The following BTAF1 variants were observed in gnomAD, a reference collection of about 807,000 sequenced individuals.
BTAF1 encodes TATA-binding protein-associated factor 172.
BTAF1 carries 38 observed loss-of-function variants against 227.1 expected under a neutral mutation model. The ratio of observed to expected loss-of-function variants is 0.17; its 90% CI spans 0.13 to 0.22. BTAF1 has a LOEUF of 0.22. Among genes scored for constraint, BTAF1 ranks in the 10% least tolerant of loss-of-function variants. The pLI, the probability that BTAF1 is intolerant of heterozygous loss-of-function variation, is 1.00. For synonymous variants in BTAF1, 742 were observed against 751.9 expected (o/e 0.99, Z 0.21); for missense variants, 1,598 against 2,204.0 (o/e 0.73, Z 5.51).
intron 10 of BTAF1, 29 bp downstream of exon 10, chr10:91,959,909 C>T (rs766773870): frequency 1.5e-5 from 24 of 1,601,006 alleles, no homozygotes; most frequent in Non-Finnish European, 1.7e-5. Context: ...AGGCTTTGCC[C>T]AATCAAATTT....
chr10:91,963,823 G>A (rs571700382), intron 12 of BTAF1, among the ~76,000 whole-genome samples: 2 of 152,058 alleles, frequency 1.3e-5, no homozygotes, highest in African/African-American at 4.8e-5. Flanking sequence ...TTTATTTTCT[G>A]AATTCTACCC....
chr10:92,014,817 A>G (rs188397056), intron 32 of BTAF1, among the ~76,000 whole-genome samples: 19 of 152,356 alleles, frequency 1.2e-4, no homozygotes, highest in African/African-American at 4.6e-4. Flanking sequence ...TGCAAACATC[A>G]TAGAGTGTAC....
At chr10:92,016,058 C>G (rs1225895398) in intron 32 of BTAF1, among the ~76,000 whole-genome samples, 3 of 152,010 alleles carry the variant, frequency 2.0e-5, no homozygotes, top group African/African-American at 7.3e-5. Flanking sequence ...TTTTCCTGAA[C>G]AGTAGAAAAA....
At chr10:92,024,735 T>TTTTTGTTTTTG in intron 34 of BTAF1, 21 bp from the exon 35 acceptor site, 24 of 1,563,938 alleles carry the variant, frequency 1.5e-5, no homozygotes, top group Admixed American at 2.0e-5. Context: ...TTATGTAGTT[T>TTTTTGTTTTTG]TTTTTTTTTT....
intron 14 of BTAF1, among the ~76,000 whole-genome samples, chr10:91,969,055 T>A (rs1847117536): frequency 6.6e-6 from 1 of 151,204 alleles, no homozygotes; most frequent in African/African-American, 2.4e-5. Flanking sequence ...TTTTTTTTTT[T>A]TTTGTTAGAG....
intron 13 of BTAF1, among the ~76,000 whole-genome samples, chr10:91,964,508 C>T (rs1332542887): frequency 2.6e-5 from 4 of 151,976 alleles, no homozygotes; most frequent in African/African-American, 7.3e-5. Context: ...AGTCCTAGAA[C>T]GTAGAATTTT....
At chr10:91,961,519 T>C (rs1256400875) in intron 11 of BTAF1, among the ~76,000 whole-genome samples, 1 of 151,720 alleles carries the variant, frequency 6.6e-6, no homozygotes, top group Non-Finnish European at 1.5e-5. Flanking sequence ...AGACCTGAAC[T>C]CTCTGTCCAA....
intron 1 of BTAF1, among the ~76,000 whole-genome samples, chr10:91,925,628 C>T (rs1286359393): frequency 6.6e-6 from 1 of 150,452 alleles, no homozygotes; most frequent in Non-Finnish European, 1.5e-5. Context: ...CCTCCTGCCT[C>T]AGCCTCCCAA....
At position 92,011,361 on chromosome 10, in the gene BTAF1, A is replaced by G. The variant is rs372663573; in HGVS notation, c.4257A>G (p.Ala1419=). 1.2e-5 allele frequency: 18 copies of G among 1,493,416 alleles called. No individual in the cohort carries two copies. Among genetic ancestry groups the G allele is most frequent in the South Asian group, 2.9e-5 (2 of 69,254 alleles). The allele number at this position is 1,493,416 out of a possible 1,614,324, so 92.5% of individuals were successfully genotyped here. A position where few individuals can be genotyped will look rare whatever the true frequency, so the allele number is the denominator to read the frequency against. The change falls in exon 30 of 38, where the codon GCA becomes GCG. Residue 1419 remains alanine, a synonymous_variant. Coordinates refer to ENST00000265990, the MANE Select transcript of BTAF1 (RefSeq NM_003972.3). Reference sequence around the variant, plus strand: ...ATGGAAAAACAAAGTTGTCAAAAGCAGTAAAACAACTGACTGCTAATTATA... The same window carrying G: ...ATGGAAAAACAAAGTTGTCAAAAGCGGTAAAACAACTGACTGCTAATTATA... ...IKNGKTKLSK[A]VKQLTANYRI...
chr10:91,930,024 T>A (rs1377479469), intron 1 of BTAF1, among the ~76,000 whole-genome samples: 1 of 152,242 alleles, frequency 6.6e-6, no homozygotes, highest in Non-Finnish European at 1.5e-5. Flanking sequence ...CTTATTTCTT[T>A]GGCGTATTTC....
At chr10:91,961,181 G>A (rs1846484498) in intron 11 of BTAF1, among the ~76,000 whole-genome samples, 1 of 152,156 alleles carries the variant, frequency 6.6e-6, no homozygotes. Flanking sequence ...AAGAGACGTG[G>A]AAGTAAAGGA....
rs1845206677 is a variant in BTAF1, at chr10:91,944,159, A to AG, written c.400+1591_400+1592insG. Among the ~76,000 whole-genome samples the AG allele has an allele frequency of 2.0e-5, 3 of 150,180 alleles. No individual in the cohort carries two copies. The South Asian group carries it at 6.3e-4, about 32-fold the overall frequency. On this transcript the variant is annotated intron_variant, in intron 4 of 37. Transcript: ENST00000265990. ...AAGAGTGAAACTCTGTCTCCAAATA[A>AG]AAAAAAAAAAGAAAAGTCCTATAGG... is the stretch of plus-strand genomic sequence containing the variant.
intron 4 of BTAF1, among the ~76,000 whole-genome samples, chr10:91,950,498 G>A (rs1419251200): frequency 6.6e-6 from 1 of 151,902 alleles, no homozygotes; most frequent in Non-Finnish European, 1.5e-5. Flanking sequence ...TTTTCAGTAA[G>A]GTATAACTGT....
In BTAF1 at chr10:91,964,188, G is replaced by T. The variant is rs201616150; in HGVS notation, c.1516G>T (p.Val506Phe). 2.2e-5 allele frequency: 35 copies of T among 1,612,092 alleles called. No individual in the cohort carries two copies. In the South Asian group the frequency reaches 3.8e-4, roughly 18 times the overall value. ...TTCATCCTTGTTAACTTACCCTCAG[G>T]TCCAACAATGCAGGTAATTATTTCT... Reference protein sequence around the residue: ...LLSSLLTYPQVQQCSIQQSLT... With the variant: ...LLSSLLTYPQFQQCSIQQSLT... The change falls in exon 13 of 38, where the codon GTC (valine) becomes TTC (phenylalanine). Residue 506 changes from valine to phenylalanine, a missense_variant. Physicochemically the swap from Val to Phe is conservative, Grantham distance 50. This residue lies in a region of BTAF1 where 318 missense variants were observed against 435.0 expected (regional missense o/e 0.73). Transcript: ENST00000265990.
Position 92,027,131 on chromosome 10 carries a change from A to G in BTAF1, c.5237A>G (p.Lys1746Arg), listed in dbSNP as rs1851567408. Residue 1746 changes from lysine to arginine, a missense_variant and splice_region_variant, in exon 37 of 38, where the codon AAA becomes AGA. By Grantham distance (26) the Lys-to-Arg change is conservative. Transcript: ENST00000265990. ...AMDRAHRIGQ[K>R]RVVNVYRLIT... ...TGCTTAACTGTTTTTCTTATCCAGAAACGTGTGGTTAACGTATACCGATTG... is the reference window on the plus strand; with the variant it reads ...TGCTTAACTGTTTTTCTTATCCAGAGACGTGTGGTTAACGTATACCGATTG... The G allele has an allele frequency of 6.2e-7, 1 of 1,608,264 alleles. No homozygotes were observed. Among genetic ancestry groups the G allele is most frequent in the Non-Finnish European group, 8.5e-7 (1 of 1,178,198 alleles).
intron 14 of BTAF1, among the ~76,000 whole-genome samples, chr10:91,971,525 T>C (rs571836657): frequency 1.4e-5 from 2 of 146,302 alleles, no homozygotes; most frequent in South Asian, 4.3e-4. Context: ...CAGGCTGGAG[T>C]GCAACGGCAT....
At chr10:91,980,920 TC>T (rs1848021528) in intron 15 of BTAF1, among the ~76,000 whole-genome samples, 1 of 152,076 alleles carries the variant, frequency 6.6e-6, no homozygotes, top group African/African-American at 2.4e-5. Flanking sequence ...TAATATAGAG[TC>T]TAATTATTGT....
At position 91,993,703 on chromosome 10, in the gene BTAF1, C is replaced by G. The variant is rs141695963; in HGVS notation, c.3055C>G (p.Pro1019Ala). Residue 1019 changes from proline (P) to alanine (A), a missense_variant, in exon 22 of 38, where the codon CCT (proline) becomes GCT (alanine). Physicochemically the swap from Pro to Ala is conservative, Grantham distance 27. This residue lies in a region of BTAF1 where 425 missense variants were observed against 491.2 expected (regional missense o/e 0.87). Transcript: ENST00000265990. The stretch of plus-strand genomic sequence containing the variant: ...AACATTTAATTTTAAGGCCCAGAAG[C>G]CTTACCTGGTACAACGGAGAGGAGC... ...ILVELDEAQK[P>A]YLVQRRGAEF... 2.6e-5 allele frequency: 39 copies of G among 1,524,744 alleles called. No individual in the cohort carries two copies. Among genetic ancestry groups the G allele is most frequent in the Non-Finnish European group, 3.3e-5 (37 of 1,127,530 alleles). 94.5% of individuals were successfully genotyped at this position (1,524,744 alleles called of 1,614,324 possible). A position where few individuals can be genotyped will look rare whatever the true frequency, so the allele number is the denominator to read the frequency against.
At chr10:91,990,526 G>A (rs1056326774) in intron 20 of BTAF1, among the ~76,000 whole-genome samples, 5 of 152,166 alleles carry the variant, frequency 3.3e-5, no homozygotes, top group South Asian at 2.1e-4. Context: ...CAGGCACGGC[G>A]GCTCACGCCT....
Sources: allele counts gnomAD v4.1 joint callset (sites outside exome capture counted in the v4.1 genomes callset), GRCh38; gene constraint gnomAD v4.1.1; regional missense constraint gnomAD v4.1.1; transcripts MANE v1.5; gene names NCBI Gene and HGNC (gene_info 2026-07-23, HGNC 2026-07-21).